NHSL2: variants seen among roughly 807,000 people sequenced by gnomAD.
NHSL2 encodes the protein NHS like 2.
Under a neutral mutation model 53.4 loss-of-function variants are expected in NHSL2, and 27 were observed. The observed-to-expected ratio is 0.51, with a 90% CI of 0.37 to 0.70. The LOEUF (loss-of-function observed/expected upper bound fraction) is 0.70, where lower values mean the gene tolerates loss of function less well. Ranked by LOEUF, NHSL2 falls within the 30% of genes least tolerant of loss-of-function variation. NHSL2 has a pLI of 0.00. For synonymous variants in NHSL2, 408 were observed against 404.1 expected, an observed-to-expected ratio of 1.01 and a Z score of -0.12; for missense variants, 892 against 980.1, an observed-to-expected ratio of 0.91 and a Z score of 1.20.
chrX:71,983,870 G>A (rs1323317504), intron 1 of NHSL2, among the ~76,000 whole-genome samples: 1 of 111,528 alleles, frequency 9.0e-6, no homozygotes, highest in Non-Finnish European at 1.9e-5. Context: ...CTTGGTTTTG[G>A]TGGGTTTTAG....
At chrX:72,028,556 C>G (rs1026133915) in intron 1 of NHSL2, among the ~76,000 whole-genome samples, 1 of 112,269 alleles carries the variant, frequency 8.9e-6, no homozygotes, top group Admixed American at 9.4e-5. Flanking sequence ...CAGATCTCTA[C>G]TCCTCCCTTT....
At chrX:71,940,857 A>G (rs1250277855) in intron 1 of NHSL2, among the ~76,000 whole-genome samples, 2 of 111,603 alleles carry the variant, frequency 1.8e-5, no homozygotes, top group South Asian at 7.6e-4. Context: ...GAGGCCCAGT[A>G]GGTTCATAGC....
intron 1 of NHSL2, among the ~76,000 whole-genome samples, chrX:71,981,890 C>T (rs2041980998): frequency 8.9e-6 from 1 of 111,820 alleles, no homozygotes; most frequent in Admixed American, 9.5e-5. Context: ...AATGGTGCAG[C>T]CTCTATGGAA....
At chrX:72,068,836 T>C (rs1160067197) in intron 1 of NHSL2, among the ~76,000 whole-genome samples, 2 of 109,780 alleles carry the variant, frequency 1.8e-5, no homozygotes, top group African/African-American at 3.3e-5. Context: ...GAGGGGAGAG[T>C]GGAGTGAGGC....
Position 71,911,356 on chromosome X carries a change from A to G in NHSL2, c.269A>G (p.Glu90Gly). 9.2e-7 allele frequency: 1 copy of G among 1,084,582 alleles called. No individual in the cohort carries two copies. The highest frequency in any genetic ancestry group is 3.7e-5 in the East Asian group (1 of 27,338). 89.4% of individuals were successfully genotyped at this position (1,084,582 alleles called of 1,213,427 possible). Residue 90 changes from glutamate to glycine, a missense_variant, in exon 1 of 8, where the codon GAG becomes GGG. Transcript: ENST00000633930. Reference sequence around the variant, plus strand: ...CGCCTGCTTGGCCCGGAGGAGGACGAGGAAGAGCTAGGTAAAAACGGCGCC... The same window carrying G: ...CGCCTGCTTGGCCCGGAGGAGGACGGGGAAGAGCTAGGTAAAAACGGCGCC... The part of the protein sequence containing the change: ...PCRLLGPEED[E>G]EELAAANSGR...
intron 1 of NHSL2, among the ~76,000 whole-genome samples, chrX:72,030,343 A>G (rs1034208075): frequency 8.9e-6 from 1 of 112,557 alleles, no homozygotes; most frequent in African/African-American, 3.2e-5. Context: ...TCATCTGTGC[A>G]TTCTGATAAG....
At chrX:71,983,109 C>T (rs1400770849) in intron 1 of NHSL2, among the ~76,000 whole-genome samples, 1 of 111,133 alleles carries the variant, frequency 9.0e-6, no homozygotes, top group African/African-American at 3.3e-5. Context: ...AGAGAAAATC[C>T]CACACATTTG....
intron 1 of NHSL2, among the ~76,000 whole-genome samples, chrX:71,923,789 T>C (rs1164739357): frequency 8.9e-6 from 1 of 111,978 alleles, no homozygotes; most frequent in East Asian, 2.8e-4. Flanking sequence ...ATGTCTGCTT[T>C]CCACAATGAA....
chrX:71,938,327 C>T (rs1180362546), intron 1 of NHSL2, among the ~76,000 whole-genome samples: 2 of 112,205 alleles, frequency 1.8e-5, no homozygotes. Context: ...GCCCCCTTCC[C>T]CTTGGAAGTT....
chrX:72,069,580 A>G, intron 1 of NHSL2: 1 of 625,403 alleles, frequency 1.6e-6, no homozygotes, highest in Non-Finnish European at 2.1e-6. Flanking sequence ...GCACCTGGGG[A>G]GGAGCACAGG....
intron 1 of NHSL2, among the ~76,000 whole-genome samples, chrX:72,048,695 G>A (rs989054125): frequency 9.1e-6 from 1 of 110,025 alleles, no homozygotes. Flanking sequence ...ACACCAGGGC[G>A]GGGCAGCAGC....
chrX:72,072,760 A>C (rs1470229448), intron 1 of NHSL2, among the ~76,000 whole-genome samples: 1 of 112,336 alleles, frequency 8.9e-6, no homozygotes, highest in African/African-American at 3.2e-5. Context: ...TACCTTTTAC[A>C]TAATTTTATC....
At chrX:72,008,454 G>A (rs983244137) in intron 1 of NHSL2, among the ~76,000 whole-genome samples, 1 of 112,106 alleles carries the variant, frequency 8.9e-6, no homozygotes, top group Admixed American at 9.4e-5. Flanking sequence ...ATGGCACCCA[G>A]CACCACCCCA....
intron 1 of NHSL2, among the ~76,000 whole-genome samples, chrX:72,025,630 T>C (rs180736631): frequency 5.0e-4 from 56 of 112,568 alleles, no homozygotes; most frequent in African/African-American, 1.7e-3. Context: ...AGCCCTTAAA[T>C]GGAGTTCCCT....
At chrX:72,069,852 G>A (rs1284802167) in intron 1 of NHSL2, 1 of 366,472 alleles carries the variant, frequency 2.7e-6, no homozygotes, top group Non-Finnish European at 4.3e-6. Context: ...ACTTGCAGGG[G>A]CTGGCAGGGG....
At chrX:72,073,792 A>G (rs2041719509) in intron 1 of NHSL2, among the ~76,000 whole-genome samples, 3 of 112,407 alleles carry the variant, frequency 2.7e-5, no homozygotes, top group African/African-American at 9.7e-5. Flanking sequence ...GCTTCTCAGC[A>G]TCTTTGCATC....
intron 1 of NHSL2, among the ~76,000 whole-genome samples, chrX:71,917,625 C>T (rs1026957851): frequency 9.1e-6 from 1 of 110,282 alleles, no homozygotes; most frequent in Non-Finnish European, 1.9e-5. Context: ...TCTAGGCTAC[C>T]GGGGCAAGGC....
intron 1 of NHSL2, among the ~76,000 whole-genome samples, chrX:72,109,661 G>T (rs2042075061): frequency 9.0e-6 from 1 of 111,090 alleles, no homozygotes; most frequent in Non-Finnish European, 1.9e-5. Context: ...TAGAGACGGG[G>T]TTTCACTATG....
chrX:72,110,062 G>A (rs183294312), intron 1 of NHSL2, among the ~76,000 whole-genome samples: 381 of 111,553 alleles, frequency 3.4e-3, no homozygotes, highest in Non-Finnish European at 6.2e-3. Context: ...AGGATGCCGG[G>A]AACAGAGGGG....
Sources: allele counts gnomAD v4.1 joint callset (sites outside exome capture counted in the v4.1 genomes callset), GRCh38; gene constraint gnomAD v4.1.1; transcripts MANE v1.5; gene names NCBI Gene and HGNC (gene_info 2026-07-23, HGNC 2026-07-21).